Variants in CTNNA2 observed in about 807,000 individuals in gnomAD.
CTNNA2 encodes catenin alpha-2.
In CTNNA2, 42 loss-of-function variants were observed where a neutral mutation model predicts 101.0. The observed-to-expected ratio is 0.42, with a 90% confidence interval of 0.32 to 0.54. The LOEUF is 0.54. Among genes scored for constraint, CTNNA2 ranks in the 20% least tolerant of loss-of-function variants. The probability of loss-of-function intolerance (pLI) is 0.14; values close to 1 mark genes in which losing one functional copy is unlikely to be tolerated. For missense variants in CTNNA2, 871 were observed against 1,223.1 expected (o/e 0.71, Z 4.29); for synonymous variants, 450 against 456.4 (o/e 0.99, Z 0.18).
In CTNNA2 at chr2:80,487,011, C is replaced by T. The variant is rs145497444; in HGVS notation, c.1291-57971C>T. ...TAAAAAGTGCAAAACTTGGGCCGAG[C>T]GTGGTGGCTCATGCCTGTAATCCCA... On this transcript the variant is annotated intron_variant, in intron 9 of 18. Transcript: ENST00000402739. 3.4e-3 allele frequency among the ~76,000 whole-genome samples: 514 copies of T among 152,186 alleles called. 2 individuals carry two copies. The highest frequency in any genetic ancestry group is 0.012 in the African/African-American group (496 of 41,526).
At chr2:80,552,326 G>C (rs1692635200) in intron 11 of CTNNA2, among the ~76,000 whole-genome samples, 3 of 151,960 alleles carry the variant, frequency 2.0e-5, no homozygotes, top group South Asian at 2.1e-4. Flanking sequence ...TTTGTATTTG[G>C]GGGGGAAGAA....
intron 1 of CTNNA2, among the ~76,000 whole-genome samples, chr2:79,538,657 G>A (rs529060612): frequency 3.2e-4 from 49 of 152,304 alleles, no homozygotes; most frequent in Middle Eastern, 3.4e-3. Context: ...GGAGCTCAGA[G>A]AATATTGCTG....
chr2:79,405,333 T>C (rs1678330123), intron 4 of CTNNA2, among the ~76,000 whole-genome samples: 2 of 152,058 alleles, frequency 1.3e-5, no homozygotes, highest in South Asian at 4.1e-4. Flanking sequence ...TTTATTTTTA[T>C]TTTTATTTTT....
intron 7 of CTNNA2, among the ~76,000 whole-genome samples, chr2:80,033,357 A>G (rs1305791519): frequency 6.6e-6 from 1 of 151,924 alleles, no homozygotes; most frequent in African/African-American, 2.4e-5. Flanking sequence ...GGTGTCTCTC[A>G]AGCCTAGGAA....
intron 7 of CTNNA2, among the ~76,000 whole-genome samples, chr2:80,267,666 T>C (rs1017030162): frequency 2.0e-5 from 3 of 152,150 alleles, no homozygotes; most frequent in African/African-American, 7.2e-5. Context: ...CCTGGGCTGG[T>C]CTGGGGACCT....
At chr2:80,440,669 A>G (rs912027712) in intron 9 of CTNNA2, among the ~76,000 whole-genome samples, 3 of 152,184 alleles carry the variant, frequency 2.0e-5, no homozygotes, top group African/African-American at 7.2e-5. Context: ...TTATAGGGAG[A>G]ATCAGGTGTT....
At chr2:79,623,075 C>A (rs1679093231) in intron 1 of CTNNA2, among the ~76,000 whole-genome samples, 1 of 151,898 alleles carries the variant, frequency 6.6e-6, no homozygotes, top group Non-Finnish European at 1.5e-5. Context: ...ATAAATAAGC[C>A]TTTTAGGAGG....
intron 6 of CTNNA2, among the ~76,000 whole-genome samples, chr2:79,886,446 T>C (rs1458770521): frequency 1.3e-5 from 2 of 151,892 alleles, no homozygotes; most frequent in Non-Finnish European, 2.9e-5. Context: ...AGGAAGTTAC[T>C]GGTGATCTAA....
intron 18 of CTNNA2, among the ~76,000 whole-genome samples, chr2:80,632,659 T>C (rs949550322): frequency 1.3e-5 from 2 of 152,158 alleles, no homozygotes; most frequent in African/African-American, 4.8e-5. Context: ...GGGCTTATCA[T>C]GCCCTCATGC....
chr2:79,604,179 G>A (rs1347472351), intron 1 of CTNNA2, among the ~76,000 whole-genome samples: 1 of 152,218 alleles, frequency 6.6e-6, no homozygotes, highest in African/African-American at 2.4e-5. Context: ...TCGTTATTCA[G>A]TGGGAATTAC....
chr2:80,644,471 C>T (rs1488639732), intron 18 of CTNNA2, among the ~76,000 whole-genome samples: 1 of 152,086 alleles, frequency 6.6e-6, no homozygotes, highest in Non-Finnish European at 1.5e-5. Flanking sequence ...CAGCTTTATT[C>T]TAATATCTTT....
intron 18 of CTNNA2, among the ~76,000 whole-genome samples, chr2:80,637,658 G>A (rs568184809): frequency 1.8e-4 from 28 of 151,618 alleles, no homozygotes; most frequent in African/African-American, 6.7e-4. Flanking sequence ...CACCTGATGA[G>A]GAGAGGATCA....
intron 9 of CTNNA2, among the ~76,000 whole-genome samples, chr2:80,492,202 A>G (rs1365541447): frequency 6.6e-6 from 1 of 152,162 alleles, no homozygotes; most frequent in East Asian, 1.9e-4. Context: ...GTTGTTTAAA[A>G]GTGTGTAGCA....
intron 7 of CTNNA2, among the ~76,000 whole-genome samples, chr2:80,275,272 C>G (rs137920766): frequency 1.3e-5 from 2 of 152,188 alleles, no homozygotes; most frequent in South Asian, 2.1e-4. Flanking sequence ...AATCATCAAC[C>G]TGCTTACTCT....
chr2:80,232,693 G>A (rs79485792), intron 7 of CTNNA2, among the ~76,000 whole-genome samples: 2,082 of 152,146 alleles, frequency 0.014, 51 homozygotes, highest in African/African-American at 0.047. Context: ...AAAGCATCCC[G>A]GAAAGCCAGA....
At chr2:79,292,389 A>G (rs1442390434) in intron 2 of CTNNA2, among the ~76,000 whole-genome samples, 1 of 152,184 alleles carries the variant, frequency 6.6e-6, no homozygotes, top group East Asian at 1.9e-4. Context: ...GTTCCAGCTG[A>G]TGCTTTCTTT....
chr2:80,499,805 C>T lies in CTNNA2; in HGVS notation c.1291-45177C>T, dbSNP rs552867744. ...CACTACACTCCAGCCTGGGTGACAA[C>T]GTGAGACTCCATCTCAAAAGAATAA... On this transcript the variant is annotated intron_variant, in intron 9 of 18. Transcript: ENST00000402739. Among the ~76,000 whole-genome samples, 462 of 151,924 alleles carry T rather than the reference C, an allele frequency of 3.0e-3. 3 individuals carry two copies. The highest frequency in any genetic ancestry group is 0.011 in the African/African-American group (441 of 41,416).
At chr2:80,586,051 T>C (rs1462327630) in intron 14 of CTNNA2, among the ~76,000 whole-genome samples, 1 of 152,162 alleles carries the variant, frequency 6.6e-6, no homozygotes, top group Non-Finnish European at 1.5e-5. Flanking sequence ...AATGTGTGTG[T>C]CCGTTCTGGC....
intron 2 of CTNNA2, among the ~76,000 whole-genome samples, chr2:79,274,300 A>C (rs1274467723): frequency 6.6e-6 from 1 of 152,062 alleles, no homozygotes. Flanking sequence ...AAGTGAACTA[A>C]AGACTGAATT....
Sources: allele counts gnomAD v4.1 joint callset (sites outside exome capture counted in the v4.1 genomes callset), GRCh38; gene constraint gnomAD v4.1.1; transcripts MANE v1.5; gene names NCBI Gene and HGNC (gene_info 2026-07-23, HGNC 2026-07-21).